CCDC134: variants seen among roughly 807,000 people sequenced by gnomAD.
CCDC134 encodes coiled-coil domain-containing protein 134.
In CCDC134, 27 loss-of-function variants were observed where a neutral mutation model predicts 25.6. The ratio of observed to expected loss-of-function variants is 1.05; its 90% confidence interval spans 0.78 to 1.45. CCDC134 has a LOEUF of 1.45. CCDC134 is among the 40% of genes most tolerant of loss of function. CCDC134 has a pLI of 0.00. For missense variants in CCDC134, 261 were observed against 286.7 expected (o/e 0.91, Z 0.65); for synonymous variants, 110 against 115.0 (o/e 0.96, Z 0.28).
chr22:41,803,043 A>G (rs139565), intron 1 of CCDC134, among the ~76,000 whole-genome samples: 98,477 of 151,810 alleles, frequency 0.65, 33,048 homozygotes, highest in African/African-American at 0.81. Flanking sequence ...GAACCTGGGA[A>G]GTGGAGGTTG....
intron 1 of CCDC134, 120 bp from the exon 2 acceptor site, chr22:41,808,755 T>A: frequency 1.3e-6 from 1 of 764,546 alleles, no homozygotes; most frequent in East Asian, 2.7e-5. Flanking sequence ...TCCCCAAAGC[T>A]GGGTTCTTGG....
chr22:41,805,369 C>T (rs2076563133), intron 1 of CCDC134, among the ~76,000 whole-genome samples: 1 of 152,046 alleles, frequency 6.6e-6, no homozygotes, highest in African/African-American at 2.4e-5. Flanking sequence ...GAGGTCAAGG[C>T]TACAGTGAGC....
intron 6 of CCDC134, among the ~76,000 whole-genome samples, chr22:41,816,641 G>A (rs1256679319): frequency 6.6e-6 from 1 of 152,222 alleles, no homozygotes; most frequent in Non-Finnish European, 1.5e-5. Flanking sequence ...TCCTCCCCAG[G>A]TGGCAGGATT....
chr22:41,830,191 A>C lies in CCDC134; in HGVS notation c.*4368A>C, dbSNP rs2076698791. Among the ~76,000 whole-genome samples, 2 of 152,138 alleles carry C rather than the reference A, an allele frequency of 1.3e-5. No individual in the cohort carries two copies. The highest frequency in any genetic ancestry group is 1.3e-4 in the Admixed American group (2 of 15,276). On this transcript the variant is annotated 3_prime_UTR_variant, in exon 7 of 7. Transcript: ENST00000255784. ...CAGAGCAAGGTACCACCTGGAAGAG[A>C]TGTTCAGTTACATGGGATCCAGGGC...
rs2076695207 is a variant in CCDC134, at chr22:41,829,545, C to T, written c.*3722C>T. 6.6e-6 allele frequency among the ~76,000 whole-genome samples: 1 copy of T among 152,104 alleles called. No homozygotes were observed. The highest frequency in any genetic ancestry group is 2.4e-5 in the African/African-American group (1 of 41,422). On this transcript the variant is annotated 3_prime_UTR_variant, in exon 7 of 7. Coordinates refer to ENST00000255784, the MANE Select transcript of CCDC134 (RefSeq NM_024821.5). The stretch of plus-strand genomic sequence containing the variant: ...GTGGAGTACATGCTTTTGGTTAATC[C>T]AATTGGAAGGCTTCCTAGAGGAAGT...
Position 41,825,655 on chromosome 22 carries a change from T to C in CCDC134, c.565-43T>C, listed in dbSNP as rs2076673427. The C allele has an allele frequency of 6.8e-6, 11 of 1,611,618 alleles. No homozygotes were observed. Among genetic ancestry groups the C allele is most frequent in the Non-Finnish European group, 9.3e-6 (11 of 1,178,492 alleles). On this transcript the variant is annotated intron_variant, in intron 6 of 6. Coordinates refer to ENST00000255784, the MANE Select transcript of CCDC134 (RefSeq NM_024821.5). The surrounding 1 kb of genome is among the most constrained non-coding windows in gnomAD (Gnocchi z 4.4). ...GTGGCCTAGCTCAGAGCAGGCTCTT[T>C]GCTGCCACAGACTAAATCAGACTGC...
At chr22:41,811,579 C>G (rs2076596675) in intron 4 of CCDC134, among the ~76,000 whole-genome samples, 1 of 152,084 alleles carries the variant, frequency 6.6e-6, no homozygotes, top group African/African-American at 2.4e-5. Context: ...GAGACATGCG[C>G]CCCCAGGCCC....
At chr22:41,808,471 G>A (rs2076578843) in intron 1 of CCDC134, among the ~76,000 whole-genome samples, 1 of 152,092 alleles carries the variant, frequency 6.6e-6, no homozygotes, top group South Asian at 2.1e-4. Context: ...CCCAGGCACA[G>A]TGCCTCACCC....
chr22:41,826,063 T>A lies in CCDC134; in HGVS notation c.*240T>A. The A allele has an allele frequency of 2.1e-6, 1 of 467,394 alleles. No individual in the cohort carries two copies. The highest frequency in any genetic ancestry group is 2.3e-5 in the South Asian group (1 of 43,466). The allele number at this position is 467,394 out of a possible 1,614,324, so 29.0% of individuals were successfully genotyped here. A position where few individuals can be genotyped will look rare whatever the true frequency, so the allele number is the denominator to read the frequency against. The stretch of plus-strand genomic sequence containing the variant: ...TTCAGAGGATTTTATGCTGGAAATA[T>A]GACCCTGTGCAGACTGCTGGGGGAG... On this transcript the variant is annotated 3_prime_UTR_variant, in exon 7 of 7. Coordinates refer to ENST00000255784, the MANE Select transcript of CCDC134 (RefSeq NM_024821.5).
intron 1 of CCDC134, among the ~76,000 whole-genome samples, chr22:41,803,439 A>G (rs914944582): frequency 6.6e-6 from 1 of 152,188 alleles, no homozygotes; most frequent in African/African-American, 2.4e-5. Flanking sequence ...GTGATACTTC[A>G]ACAAAAATTT....
rs1364715589 is a variant in CCDC134 at position 41,830,967 on chromosome 22, C to T, written c.*5144C>T. Among the ~76,000 whole-genome samples the T allele has an allele frequency of 5.5e-5, 8 of 144,942 alleles. No homozygotes were observed. Among genetic ancestry groups the T allele is most frequent in the Non-Finnish European group, 7.4e-5 (5 of 67,408 alleles). On this transcript the variant is annotated 3_prime_UTR_variant, in exon 7 of 7. Transcript: ENST00000255784. ...ATGGCGCGATCTCTGCTCACCGTAA[C>T]TTCTGCCTCCCGGGTTCAAGCAAGT...
chr22:41,800,982 ACCTGGT>A (rs1339697689), intron 1 of CCDC134, among the ~76,000 whole-genome samples: 4 of 152,070 alleles, frequency 2.6e-5, no homozygotes, highest in Non-Finnish European at 5.9e-5. Context: ...GCCCGCCACT[ACCTGGT>A]ACCTCTGCAG....
chr22:41,811,418 A>G (rs1242802154), intron 4 of CCDC134, among the ~76,000 whole-genome samples: 2 of 152,172 alleles, frequency 1.3e-5, no homozygotes, highest in Non-Finnish European at 2.9e-5. Flanking sequence ...CAATGCTTGT[A>G]CAGAAACTAT....
intron 6 of CCDC134, among the ~76,000 whole-genome samples, chr22:41,815,269 G>A (rs963409574): frequency 6.1e-5 from 9 of 147,928 alleles, no homozygotes; most frequent in East Asian, 2.0e-4. Context: ...ACAGTGGCGC[G>A]ATCTCGGCTC....
intron 4 of CCDC134, among the ~76,000 whole-genome samples, chr22:41,811,435 C>G (rs939738175): frequency 1.3e-5 from 2 of 152,008 alleles, no homozygotes; most frequent in African/African-American, 4.8e-5. Context: ...CTATTCTTTT[C>G]TTTTTTTTCT....
At chr22:41,807,340 A>G (rs1472746705) in intron 1 of CCDC134, among the ~76,000 whole-genome samples, 2 of 152,196 alleles carry the variant, frequency 1.3e-5, no homozygotes, top group East Asian at 3.8e-4. Context: ...AGATGGGTGG[A>G]TCACTTGAGC....
Position 41,825,617 on chromosome 22 carries a change from C to T in CCDC134, c.565-81C>T. ...CTGTGTCCAGGGAACCTTCCTATTC[C>T]CACACCCCGCTGGTGGCCTAGCTCA... On this transcript the variant is annotated intron_variant, in intron 6 of 6. Transcript: ENST00000255784. The surrounding 1 kb of genome is among the most constrained non-coding windows in gnomAD (Gnocchi z 4.4). The T allele has an allele frequency of 6.3e-7, 1 of 1,575,226 alleles. No individual in the cohort carries two copies. Among genetic ancestry groups the T allele is most frequent in the East Asian group, 2.3e-5 (1 of 44,332 alleles).
intron 6 of CCDC134, among the ~76,000 whole-genome samples, chr22:41,816,074 A>G (rs1302551874): frequency 6.6e-6 from 1 of 152,166 alleles, no homozygotes; most frequent in Non-Finnish European, 1.5e-5. Context: ...ACGACCACCC[A>G]CATAAGAGAG....
chr22:41,814,385 G>A (rs1285862201), intron 6 of CCDC134, among the ~76,000 whole-genome samples: 1 of 152,148 alleles, frequency 6.6e-6, no homozygotes, highest in Non-Finnish European at 1.5e-5. Context: ...GGCCAATATG[G>A]TGAAACTCTG....
Sources: gnomAD v4.1 joint callset for allele counts (sites outside exome capture counted in the v4.1 genomes callset) on GRCh38, gnomAD v4.1.1 for gene constraint, Gnocchi (gnomAD v3.1) non-coding constraint, MANE v1.5 for transcripts, NCBI Gene and HGNC (gene_info 2026-07-23, HGNC 2026-07-21) for gene names.